PCDHA2: variants seen among roughly 807,000 people sequenced by gnomAD.
PCDHA2 encodes the protein protocadherin alpha-2.
PCDHA2 carries 58 observed loss-of-function variants against 66.0 expected under a neutral mutation model. The observed-to-expected ratio is 0.88, with a 90% confidence interval of 0.71 to 1.09. The LOEUF (loss-of-function observed/expected upper bound fraction) is 1.09, where lower values mean the gene tolerates loss of function less well. Among genes scored for constraint, PCDHA2 ranks in the 50% least tolerant of loss-of-function variants. The probability of loss-of-function intolerance (pLI) is 0.00; values close to 1 mark genes in which losing one functional copy is unlikely to be tolerated. For synonymous variants in PCDHA2, 634 were observed against 554.0 expected, an observed-to-expected ratio of 1.14 and a Z score of -2.03; for missense variants, 1,267 against 1,242.3, an observed-to-expected ratio of 1.02 and a Z score of -0.30.
intron 1 of PCDHA2, among the ~76,000 whole-genome samples, chr5:140,964,205 T>C (rs1483183685): frequency 6.6e-6 from 1 of 152,212 alleles, no homozygotes; most frequent in Admixed American, 6.5e-5. Context: ...TACCATCTCT[T>C]TAGTACAATG....
At chr5:140,944,746 A>G (rs1009788923) in intron 1 of PCDHA2, among the ~76,000 whole-genome samples, 6 of 152,214 alleles carry the variant, frequency 3.9e-5, no homozygotes, top group African/African-American at 1.4e-4. Context: ...GAGCATTTAC[A>G]TGGAAAAAAT....
intron 3 of PCDHA2, among the ~76,000 whole-genome samples, chr5:140,982,886 G>A (rs1310342145): frequency 1.3e-5 from 2 of 152,114 alleles, no homozygotes; most frequent in Admixed American, 6.6e-5. Flanking sequence ...GCCATGCAGA[G>A]AAGATCTGGT....
chr5:140,901,139 A>G (rs1186725760), intron 1 of PCDHA2, among the ~76,000 whole-genome samples: 1 of 151,726 alleles, frequency 6.6e-6, no homozygotes, highest in Non-Finnish European at 1.5e-5. Context: ...GATTGTAAAT[A>G]TTTTCTCTCA....
chr5:140,833,447 A>G lies in PCDHA2; in HGVS notation c.2388+36095A>G, dbSNP rs2150208593. On this transcript the variant is annotated intron_variant, in intron 1 of 3. Transcript: ENST00000526136. ...GATGGCTGAGCACTGAAATTTATCT[A>G]ATAAAATAAACTTACATTTTAAAAG... Among the ~76,000 whole-genome samples, 6 of 152,344 alleles carry G rather than the reference A, an allele frequency of 3.9e-5. No homozygotes were observed. The East Asian group carries it at 1.2e-3, about 29-fold the overall frequency.
chr5:140,888,270 G>A (rs965190959), intron 1 of PCDHA2, among the ~76,000 whole-genome samples: 9 of 152,102 alleles, frequency 5.9e-5, no homozygotes. Flanking sequence ...ATAAGAAACA[G>A]TTTTGTCCCC....
intron 1 of PCDHA2, chr5:140,854,159 CAA>C (rs59855104): frequency 4.1e-3 from 1,382 of 339,958 alleles, no homozygotes; most frequent in Non-Finnish European, 4.7e-3. Flanking sequence ...GATTCTGTCT[CAA>C]AAAAAAAAAA....
intron 1 of PCDHA2, chr5:140,881,225 T>C (rs1026658425): frequency 9.3e-5 from 25 of 267,532 alleles, no homozygotes; most frequent in Non-Finnish European, 1.4e-4. Context: ...TCTTGGAAAA[T>C]TAAAGTCAAT....
Position 140,927,804 on chromosome 5 carries a change from G to T in PCDHA2, c.2389-51145G>T, listed in dbSNP as rs112037348. The T allele has an allele frequency of 8.3e-4, 1,346 of 1,614,160 alleles. 11 individuals carry two copies. The African/African-American group carries it at 0.015, about 18-fold the overall frequency. On this transcript the variant is annotated intron_variant, in intron 1 of 3. Coordinates refer to ENST00000526136, the MANE Select transcript of PCDHA2 (RefSeq NM_018905.3). Reference sequence around the variant, plus strand: ...CTGCTTCACTAGGTCCGCCTGAAACGCTCTTGGAGGCATACATTGAGGCGA... The same window carrying T: ...CTGCTTCACTAGGTCCGCCTGAAACTCTCTTGGAGGCATACATTGAGGCGA...
rs782446771 is a variant in PCDHA2, at chr5:140,796,531, C to G, written c.1567C>G (p.Leu523Val). Residue 523 changes from leucine (L) to valine (V), a missense_variant, in exon 1 of 4, where the codon CTG becomes GTG. Coordinates refer to ENST00000526136, the MANE Select transcript of PCDHA2 (RefSeq NM_018905.3). Reference protein sequence around the residue: ...ESGKVYALQPLDHEEVELLQF... With the variant: ...ESGKVYALQPVDHEEVELLQF... ...CGGCAAGGTGTACGCGCTGCAGCCG[C>G]TGGACCACGAGGAAGTGGAGCTGCT... The G allele has an allele frequency of 3.1e-6, 5 of 1,612,656 alleles. No individual in the cohort carries two copies. The African/African-American group carries it at 5.3e-5, about 17-fold the overall frequency.
chr5:140,958,637 A>G (rs2095435071), intron 1 of PCDHA2, among the ~76,000 whole-genome samples: 1 of 152,192 alleles, frequency 6.6e-6, no homozygotes. Flanking sequence ...TACTGCAGAA[A>G]ACCAATCACA....
chr5:140,821,559 G>A (rs1767000496), intron 1 of PCDHA2: 2 of 518,472 alleles, frequency 3.9e-6, no homozygotes, highest in Admixed American at 3.7e-5. Context: ...ACATGATGTC[G>A]CTGGACACCG....
At chr5:140,968,624 C>CT in intron 1 of PCDHA2, 3 of 1,614,176 alleles carry the variant, frequency 1.9e-6, no homozygotes, top group East Asian at 2.2e-5. Context: ...AAATGCTTGG[C>CT]TTTTTTACCA....
chr5:140,836,349 G>A (rs2150258385), intron 1 of PCDHA2: 52 of 1,613,592 alleles, frequency 3.2e-5, no homozygotes, highest in Non-Finnish European at 4.4e-5. Flanking sequence ...GGACCACGGG[G>A]AGCCCTCGCT....
At chr5:140,966,709 G>T in intron 1 of PCDHA2, 2 of 1,387,174 alleles carry the variant, frequency 1.4e-6, no homozygotes, top group Non-Finnish European at 1.9e-6. Flanking sequence ...CGTGGGGCAC[G>T]GCTGGGGAAG....
intron 1 of PCDHA2, chr5:140,836,001 G>A (rs1405342443): frequency 2.3e-5 from 37 of 1,613,232 alleles, no homozygotes; most frequent in Non-Finnish European, 2.9e-5. Context: ...CGCGCGCGAT[G>A]CGGGCGTGCC....
intron 1 of PCDHA2, chr5:140,836,466 G>T: frequency 6.2e-7 from 1 of 1,613,862 alleles, no homozygotes; most frequent in Non-Finnish European, 8.5e-7. Flanking sequence ...CGAGCTGGTG[G>T]ATGTCAACGT....
chr5:140,803,290 T>C (rs1554122687), intron 1 of PCDHA2: 1 of 1,614,038 alleles, frequency 6.2e-7, no homozygotes, highest in South Asian at 1.1e-5. Flanking sequence ...GATGTCAACG[T>C]GTACTTGATC....
intron 1 of PCDHA2, among the ~76,000 whole-genome samples, chr5:140,902,277 A>G (rs1257357376): frequency 1.3e-5 from 2 of 149,170 alleles, no homozygotes; most frequent in African/African-American, 5.0e-5. Flanking sequence ...GGCTCAAGCA[A>G]TCCTCCTGCC....
chr5:140,903,688 A>G (rs1392078626), intron 1 of PCDHA2, among the ~76,000 whole-genome samples: 13 of 152,242 alleles, frequency 8.5e-5, no homozygotes, highest in Admixed American at 7.9e-4. Flanking sequence ...TTTGGTAAAT[A>G]GTTTAAAATA....
Sources: gnomAD v4.1 joint callset for allele counts (sites outside exome capture counted in the v4.1 genomes callset) on GRCh38, gnomAD v4.1.1 for gene constraint, MANE v1.5 for transcripts, NCBI Gene and HGNC (gene_info 2026-07-23, HGNC 2026-07-21) for gene names.